The following MAPKAPK5 variants were observed in gnomAD, a reference collection of about 807,000 sequenced individuals.
MAPKAPK5 encodes the protein MAP kinase-activated protein kinase 5.
Under a neutral mutation model 65.1 loss-of-function variants are expected in MAPKAPK5, and 30 were observed. That is an observed-to-expected ratio of 0.46 (90% CI 0.34 to 0.63). The LOEUF (loss-of-function observed/expected upper bound fraction) is 0.63, where lower values mean the gene tolerates loss of function less well. Ranked by LOEUF, MAPKAPK5 falls within the 20% of genes least tolerant of loss-of-function variation. The pLI, the probability that MAPKAPK5 is intolerant of heterozygous loss-of-function variation, is 0.01. For missense variants in MAPKAPK5, 433 were observed against 581.4 expected, an observed-to-expected ratio of 0.74 and a Z score of 2.63; for synonymous variants, 179 against 204.6, an observed-to-expected ratio of 0.87 and a Z score of 1.07.
At chr12:111,844,121 C>T (rs1265850216) in intron 1 of MAPKAPK5, among the ~76,000 whole-genome samples, 3 of 151,878 alleles carry the variant, frequency 2.0e-5, no homozygotes, top group African/African-American at 7.3e-5. Flanking sequence ...CGTGCCTGGC[C>T]CAAGGAAGAC....
chr12:111,846,224 G>T (rs2136060060), intron 1 of MAPKAPK5, among the ~76,000 whole-genome samples: 1 of 152,260 alleles, frequency 6.6e-6, no homozygotes, highest in East Asian at 1.9e-4. Flanking sequence ...GCATTGTGTT[G>T]TATTCATTGT....
intron 8 of MAPKAPK5, among the ~76,000 whole-genome samples, chr12:111,880,851 T>A (rs2070179267): frequency 1.3e-5 from 2 of 152,198 alleles, no homozygotes; most frequent in African/African-American, 4.8e-5. Flanking sequence ...TTTTTGACTG[T>A]CCATATGGTC....
intron 3 of MAPKAPK5, among the ~76,000 whole-genome samples, chr12:111,866,520 A>G (rs1204694775): frequency 6.6e-6 from 1 of 152,216 alleles, no homozygotes; most frequent in South Asian, 2.1e-4. Context: ...TGAAGAAGGT[A>G]CTTAAAGGTG....
At chr12:111,886,793 A>G (rs559433506) in intron 10 of MAPKAPK5, among the ~76,000 whole-genome samples, 102 of 152,350 alleles carry the variant, frequency 6.7e-4, no homozygotes, top group South Asian at 3.3e-3. Context: ...ATTTGCCACT[A>G]GGAAGGTATT....
At chr12:111,850,674 A>G (rs1321550265) in intron 1 of MAPKAPK5, among the ~76,000 whole-genome samples, 1 of 152,166 alleles carries the variant, frequency 6.6e-6, no homozygotes, top group Admixed American at 6.6e-5. Context: ...TGGGGAAAAC[A>G]ATGCCACAAA....
chr12:111,891,161 T>A (rs2070589969), intron 13 of MAPKAPK5, among the ~76,000 whole-genome samples: 1 of 151,904 alleles, frequency 6.6e-6, no homozygotes, highest in South Asian at 2.1e-4. Flanking sequence ...TGGTGCGATC[T>A]TGACTTACTG....
chr12:111,868,992 T>C, intron 5 of MAPKAPK5, 131 bp downstream of exon 5: 1 of 684,904 alleles, frequency 1.5e-6, no homozygotes, highest in Non-Finnish European at 2.5e-6. Context: ...TGTTATGTAA[T>C]CAGAAAAGAT....
At chr12:111,891,268 ATT>A (rs762982308) in intron 13 of MAPKAPK5, among the ~76,000 whole-genome samples, 10 of 133,186 alleles carry the variant, frequency 7.5e-5, no homozygotes, top group Admixed American at 7.6e-5. Context: ...TAATTTTTGT[ATT>A]TTTTTTTTTT....
intron 1 of MAPKAPK5, among the ~76,000 whole-genome samples, chr12:111,857,865 CTCTT>C (rs2069294206): frequency 6.6e-6 from 1 of 151,578 alleles, no homozygotes; most frequent in South Asian, 2.1e-4. Context: ...ACATTATTTT[CTCTT>C]TCTCTTTCAG....
chr12:111,878,247 A>G (rs1478294546), intron 7 of MAPKAPK5, among the ~76,000 whole-genome samples: 1 of 151,788 alleles, frequency 6.6e-6, no homozygotes, highest in African/African-American at 2.4e-5. Flanking sequence ...TCAGTCTCCT[A>G]TGTTTTCTTC....
intron 12 of MAPKAPK5, chr12:111,889,317 G>C (rs1313936678): frequency 3.7e-6 from 1 of 268,394 alleles, no homozygotes; most frequent in Non-Finnish European, 7.1e-6. Context: ...GGCACAGGTT[G>C]GGGGATGGAG....
Position 111,902,145 on chromosome 12 carries a change from T to G in MAPKAPK5, c.*9084T>G, listed in dbSNP as rs1308450149. On this transcript the variant is annotated 3_prime_UTR_variant, in exon 14 of 14. Coordinates refer to ENST00000550735, the MANE Select transcript of MAPKAPK5 (RefSeq NM_003668.4). ...TGTTTATGTGATTGGTTGTTCTAACTTGCCCTATAAATGTGCATTCATCAA... is the reference window on the plus strand; with the variant it reads ...TGTTTATGTGATTGGTTGTTCTAACGTGCCCTATAAATGTGCATTCATCAA... The G allele has an allele frequency of 6.6e-6, 1 of 152,270 alleles. No homozygotes were observed. Among genetic ancestry groups the G allele is most frequent in the Non-Finnish European group, 1.5e-5 (1 of 68,068 alleles). 9.4% of individuals were successfully genotyped at this position (152,270 alleles called of 1,614,324 possible). A position where few individuals can be genotyped will look rare whatever the true frequency, so the allele number is the denominator to read the frequency against.
rs988157445 is a variant in MAPKAPK5, at chr12:111,858,482, T to G, written c.37-6768T>G. On this transcript the variant is annotated intron_variant, in intron 1 of 13. Coordinates refer to ENST00000550735, the MANE Select transcript of MAPKAPK5 (RefSeq NM_003668.4). ...CTATTCTTTGGATTTGATCATTTCT[T>G]TCTATGTATTTTCATGTTCACTAAT... Among the ~76,000 whole-genome samples, 4 of 152,260 alleles carry G rather than the reference T, an allele frequency of 2.6e-5. No individual in the cohort carries two copies. In the South Asian group the frequency reaches 6.2e-4, roughly 24 times the overall value.
intron 1 of MAPKAPK5, among the ~76,000 whole-genome samples, chr12:111,859,654 T>TTC (rs1555269115): frequency 1.0e-5 from 1 of 95,916 alleles, no homozygotes; most frequent in African/African-American, 4.6e-5. Context: ...TTGCTTTTCT[T>TTC]TTTTTTTTTT....
intron 8 of MAPKAPK5, among the ~76,000 whole-genome samples, chr12:111,882,252 C>T (rs901969485): frequency 3.9e-5 from 6 of 152,134 alleles, no homozygotes; most frequent in South Asian, 2.1e-4. Context: ...TGGTGGCGGG[C>T]GCCTGTAGTC....
At chr12:111,889,751 T>G (rs1200434814) in intron 12 of MAPKAPK5, 1 of 274,532 alleles carries the variant, frequency 3.6e-6, no homozygotes, top group African/African-American at 2.2e-5. Flanking sequence ...GTTGACCAGG[T>G]GTCTTTTGTT....
intron 6 of MAPKAPK5, 146 bp downstream of exon 6, chr12:111,870,506 C>A: frequency 3.6e-6 from 2 of 558,890 alleles, no homozygotes; most frequent in Non-Finnish European, 6.4e-6. Flanking sequence ...CGTTCCCTTG[C>A]TAGAGGCTCA....
rs1271658591 is a variant in MAPKAPK5, at chr12:111,842,583, G to A, written c.-151G>A. 1.1e-5 allele frequency: 5 copies of A among 443,788 alleles called. No homozygotes were observed. Among genetic ancestry groups the A allele is most frequent in the Non-Finnish European group, 2.0e-5 (5 of 256,380 alleles). The allele number at this position is 443,788 out of a possible 1,614,324, so 27.5% of individuals were successfully genotyped here. ...CCGCCGAAGCAGAGCCGGCGCCGGG[G>A]TCCTCATCCCCACCGGTCCCGAGGG... On this transcript the variant is annotated 5_prime_UTR_variant, in exon 1 of 14. Transcript: ENST00000550735.
In MAPKAPK5 at chr12:111,902,063, A is replaced by G. The variant is rs946355214; in HGVS notation, c.*9002A>G. The stretch of plus-strand genomic sequence containing the variant: ...TACAGAATCATATGTACCTGAATTT[A>G]TTACTAACTCTGGGATTTTCATTTT... On this transcript the variant is annotated 3_prime_UTR_variant, in exon 14 of 14. Coordinates refer to ENST00000550735, the MANE Select transcript of MAPKAPK5 (RefSeq NM_003668.4). The G allele has an allele frequency of 1.3e-5, 2 of 152,276 alleles. No individual in the cohort carries two copies. The highest frequency in any genetic ancestry group is 4.8e-5 in the African/African-American group (2 of 41,454). The allele number at this position is 152,276 out of a possible 1,614,324, so 9.4% of individuals were successfully genotyped here.
Sources: gnomAD v4.1 joint callset for allele counts (sites outside exome capture counted in the v4.1 genomes callset) on GRCh38, gnomAD v4.1.1 for gene constraint, MANE v1.5 for transcripts, NCBI Gene and HGNC (gene_info 2026-07-23, HGNC 2026-07-21) for gene names.